STK24: variants seen among roughly 807,000 people sequenced by gnomAD.
STK24 encodes the protein serine/threonine-protein kinase 24.
Under a neutral mutation model 55.6 loss-of-function variants are expected in STK24, and 21 were observed. The ratio of observed to expected loss-of-function variants is 0.38; its 90% confidence interval spans 0.27 to 0.54. The LOEUF is 0.54. Ranked by LOEUF, STK24 falls within the 20% of genes least tolerant of loss-of-function variation. The pLI is 0.79. For synonymous variants in STK24, 200 were observed against 215.2 expected (o/e 0.93, Z 0.62); for missense variants, 383 against 538.4 (o/e 0.71, Z 2.86).
intron 1 of STK24, among the ~76,000 whole-genome samples, chr13:98,524,403 C>T (rs1284487754): frequency 6.6e-6 from 1 of 152,178 alleles, no homozygotes; most frequent in African/African-American, 2.4e-5. Flanking sequence ...GTGGAGAGGC[C>T]TGTTCTAGAC....
At chr13:98,543,119 T>C in intron 1 of STK24, 3 of 626,392 alleles carry the variant, frequency 4.8e-6, no homozygotes, top group Non-Finnish European at 4.0e-6. Flanking sequence ...AGACCAGTCA[T>C]GCCATCCTCC....
chr13:98,462,031 C>T (rs1054917983), intron 7 of STK24, 134 bp from the exon 8 acceptor site: 14 of 1,080,874 alleles, frequency 1.3e-5, no homozygotes, highest in African/African-American at 1.1e-4. Context: ...CCATCACACC[C>T]TTGTCCAGTC....
chr13:98,484,142 CCAT>C (rs1894715788), intron 2 of STK24, among the ~76,000 whole-genome samples: 2 of 152,170 alleles, frequency 1.3e-5, no homozygotes, highest in Admixed American at 1.3e-4. Context: ...AGGGAAGCTT[CCAT>C]CATCAAGAGT....
intron 2 of STK24, among the ~76,000 whole-genome samples, chr13:98,515,814 G>A (rs1202368883): frequency 6.6e-6 from 1 of 152,130 alleles, no homozygotes; most frequent in Non-Finnish European, 1.5e-5. Flanking sequence ...TCTCTTCTTT[G>A]TCCTGGCCTG....
chr13:98,492,393 G>A (rs1442259836), intron 2 of STK24, among the ~76,000 whole-genome samples: 1 of 152,152 alleles, frequency 6.6e-6, no homozygotes, highest in African/African-American at 2.4e-5. Flanking sequence ...CCCAAAGAGG[G>A]CCCTTTCTAG....
chr13:98,503,184 G>A (rs1310299957), intron 2 of STK24, among the ~76,000 whole-genome samples: 2 of 151,798 alleles, frequency 1.3e-5, no homozygotes, highest in Non-Finnish European at 2.9e-5. Context: ...AGTTAAAGAT[G>A]AACACAACTC....
chr13:98,498,711 C>G (rs1436379916), intron 2 of STK24, among the ~76,000 whole-genome samples: 1 of 152,164 alleles, frequency 6.6e-6, no homozygotes, highest in Non-Finnish European at 1.5e-5. Context: ...CCCTCCTCCC[C>G]TGCCGTCTCC....
Position 98,446,310 on chromosome 13 carries a change from G to T in STK24, c.*6863C>A, listed in dbSNP as rs1399518923. 1.4e-5 allele frequency: 10 copies of T among 720,512 alleles called. No homozygotes were observed. Among genetic ancestry groups the T allele is most frequent in the Admixed American group, 2.6e-5 (1 of 38,914 alleles). The allele number at this position is 720,512 out of a possible 1,614,324, so 44.6% of individuals were successfully genotyped here. On this transcript the variant is annotated 3_prime_UTR_variant, in exon 11 of 11. Coordinates refer to ENST00000539966, the MANE Select transcript of STK24 (RefSeq NM_001032296.4). ...ATGACTCAGGCCTCTTGGGCTCCAG[G>T]TGTCACGGGGATGACAGGGATGCTG...
At position 98,451,770 on chromosome 13, in the gene STK24, G is replaced by C. The variant is rs187119111; in HGVS notation, c.*1403C>G. 6.6e-6 allele frequency: 1 copy of C among 152,330 alleles called. No individual in the cohort carries two copies. 9.4% of individuals were successfully genotyped at this position (152,330 alleles called of 1,614,324 possible). A position where few individuals can be genotyped will look rare whatever the true frequency, so the allele number is the denominator to read the frequency against. ...CTTCATGTACCAGTCAACAGCTGCT[G>C]CACGAACCCTCCCACTCCAGAAACC... On this transcript the variant is annotated 3_prime_UTR_variant, in exon 11 of 11. Coordinates refer to ENST00000539966, the MANE Select transcript of STK24 (RefSeq NM_001032296.4).
At chr13:98,485,862 G>A (rs967827751) in intron 2 of STK24, among the ~76,000 whole-genome samples, 6 of 152,220 alleles carry the variant, frequency 3.9e-5, no homozygotes, top group African/African-American at 7.2e-5. Flanking sequence ...CTGCACCACC[G>A]CCTGGCACTT....
intron 5 of STK24, among the ~76,000 whole-genome samples, chr13:98,468,777 A>G (rs777707079): frequency 2.6e-5 from 4 of 152,246 alleles, no homozygotes; most frequent in Admixed American, 6.5e-5. Context: ...AGTGTGTAAC[A>G]ATCAAATCCG....
intron 2 of STK24, among the ~76,000 whole-genome samples, chr13:98,512,031 C>G (rs1300627425): frequency 6.6e-6 from 1 of 151,526 alleles, no homozygotes; most frequent in African/African-American, 2.4e-5. Flanking sequence ...ACTACAGGTG[C>G]GTGCCACCAT....
chr13:98,543,177 G>T, intron 1 of STK24: 1 of 246,384 alleles, frequency 4.1e-6, no homozygotes, highest in Non-Finnish European at 6.5e-6. Flanking sequence ...TGTCCCCACA[G>T]AGTTGTTTTT....
At chr13:98,511,685 C>T (rs1308001385) in intron 2 of STK24, among the ~76,000 whole-genome samples, 3 of 152,174 alleles carry the variant, frequency 2.0e-5, no homozygotes, top group Admixed American at 2.0e-4. Context: ...ACGCCACTAA[C>T]AAAAGCCACT....
chr13:98,520,365 CCA>C (rs1170090978), intron 1 of STK24, among the ~76,000 whole-genome samples: 1 of 152,166 alleles, frequency 6.6e-6, no homozygotes, highest in South Asian at 2.1e-4. Context: ...GCCTGGAACC[CCA>C]CAGAGCAAGG....
chr13:98,494,098 TC>T (rs1046180940), intron 2 of STK24, among the ~76,000 whole-genome samples: 1 of 142,964 alleles, frequency 7.0e-6, no homozygotes, highest in African/African-American at 2.6e-5. Context: ...CGCCTCGGCC[TC>T]CCAAAGTGTA....
chr13:98,576,918 T>G lies in STK24; in HGVS notation c.-132A>C. The G allele has an allele frequency of 2.3e-6, 1 of 439,924 alleles. No homozygotes were observed. The highest frequency in any genetic ancestry group is 3.0e-6 in the Non-Finnish European group (1 of 335,276). 27.3% of individuals were successfully genotyped at this position (439,924 alleles called of 1,614,324 possible). On this transcript the variant is annotated 5_prime_UTR_variant, in exon 1 of 11. Transcript: ENST00000539966. ...CCGGAGCCCGAGGCCACCCCAGCCC[T>G]GGCGGGTCCCGGCCGGGCGGCGGGG...
chr13:98,451,610 C>G lies in STK24; in HGVS notation c.*1563G>C, dbSNP rs1385637230. On this transcript the variant is annotated 3_prime_UTR_variant, in exon 11 of 11. Transcript: ENST00000539966. ...TCCCTATAGCTTAGAGGCCACTAGA[C>G]CAGCAGATAGCTGAGCTACATCCCC... The G allele has an allele frequency of 1.3e-5, 2 of 152,192 alleles. 1 individual carries two copies. The highest frequency in any genetic ancestry group is 4.8e-5 in the African/African-American group (2 of 41,430). The allele number at this position is 152,192 out of a possible 1,614,324, so 9.4% of individuals were successfully genotyped here. A position where few individuals can be genotyped will look rare whatever the true frequency, so the allele number is the denominator to read the frequency against.
At chr13:98,545,928 T>G (rs923735623) in intron 1 of STK24, among the ~76,000 whole-genome samples, 2 of 152,122 alleles carry the variant, frequency 1.3e-5, no homozygotes, top group Non-Finnish European at 2.9e-5. Context: ...AATGTTACCT[T>G]AAAACTCTTC....
Sources: gnomAD v4.1 joint callset for allele counts (sites outside exome capture counted in the v4.1 genomes callset) on GRCh38, gnomAD v4.1.1 for gene constraint, MANE v1.5 for transcripts, NCBI Gene and HGNC (gene_info 2026-07-23, HGNC 2026-07-21) for gene names.